COLEC12: variants seen among roughly 807,000 people sequenced by gnomAD.
COLEC12 encodes the protein collectin subfamily member 12, also known as collectin-12.
COLEC12 carries 33 observed loss-of-function variants against 71.1 expected under a neutral mutation model. That is an observed-to-expected ratio of 0.46 (90% confidence interval 0.35 to 0.62). The LOEUF (loss-of-function observed/expected upper bound fraction) is 0.62. COLEC12 is among the 20% of genes least tolerant of loss of function. COLEC12 has a pLI of 0.00. For missense variants in COLEC12, 765 were observed against 916.1 expected (o/e 0.84, Z 2.13); for synonymous variants, 350 against 353.0 (o/e 0.99, Z 0.10).
intron 3 of COLEC12, among the ~76,000 whole-genome samples, chr18:350,128 A>G (rs1177890518): frequency 1.3e-5 from 2 of 152,174 alleles, no homozygotes; most frequent in African/African-American, 4.8e-5. Context: ...TCTCGCCCAA[A>G]TCTCATCTTG....
At chr18:463,996 G>A (rs980548977) in intron 2 of COLEC12, among the ~76,000 whole-genome samples, 1 of 152,118 alleles carries the variant, frequency 6.6e-6, no homozygotes, top group Non-Finnish European at 1.5e-5. Flanking sequence ...CAGGAAGGAA[G>A]GTTTTTGACT....
intron 2 of COLEC12, among the ~76,000 whole-genome samples, chr18:377,106 G>A (rs1371339095): frequency 2.0e-5 from 3 of 152,202 alleles, no homozygotes; most frequent in Non-Finnish European, 4.4e-5. Context: ...AAGAGGGGAC[G>A]GAGGACCTGG....
chr18:489,271 A>G (rs1236611714), intron 1 of COLEC12, among the ~76,000 whole-genome samples: 1 of 152,248 alleles, frequency 6.6e-6, no homozygotes, highest in Non-Finnish European at 1.5e-5. Flanking sequence ...TATTTCCAAT[A>G]TAGAATGCTC....
At chr18:450,316 G>T (rs78958610) in intron 2 of COLEC12, among the ~76,000 whole-genome samples, 17,614 of 152,164 alleles carry the variant, frequency 0.12, 1,393 homozygotes, top group East Asian at 0.37. Context: ...CAATGTTGAG[G>T]GGGGGCCTGC....
intron 2 of COLEC12, among the ~76,000 whole-genome samples, chr18:442,000 TCTACACACACACACACACACAC>T (rs1478170894): frequency 2.6e-5 from 3 of 116,700 alleles, no homozygotes; most frequent in Non-Finnish European, 3.6e-5. Flanking sequence ...ACTCTCTCTC[TCTACACACACACACACACACAC>T]ACACACACAC....
In COLEC12 at chr18:348,178, A is replaced by G. The variant is rs1914428855; in HGVS notation, c.182-15T>C. On this transcript the variant is annotated splice_polypyrimidine_tract_variant and intron_variant, in intron 3 of 9. Transcript: ENST00000400256. ...TTTCTCTACAACTAAGATTTGGAAA[A>G]TGATGCATTAGTATACATATCTGCT... 6 of 1,502,510 alleles carry G rather than the reference A, an allele frequency of 4.0e-6. No homozygotes were observed. Among genetic ancestry groups the G allele is most frequent in the Admixed American group, 3.3e-5 (2 of 59,762 alleles). 93.1% of individuals were successfully genotyped at this position (1,502,510 alleles called of 1,614,324 possible). A position where few individuals can be genotyped will look rare whatever the true frequency, so the allele number is the denominator to read the frequency against.
At chr18:469,149 T>C (rs1166319063) in intron 2 of COLEC12, among the ~76,000 whole-genome samples, 1 of 152,240 alleles carries the variant, frequency 6.6e-6, no homozygotes, top group South Asian at 2.1e-4. Context: ...TCTCTTCACT[T>C]GCACAGACGG....
chr18:479,821 G>T (rs558531029), intron 2 of COLEC12, among the ~76,000 whole-genome samples: 20 of 152,336 alleles, frequency 1.3e-4, no homozygotes, highest in African/African-American at 4.8e-4. Context: ...TACCACGAAC[G>T]TGCTGGCTTA....
At chr18:489,493 G>C (rs1477115293) in intron 1 of COLEC12, among the ~76,000 whole-genome samples, 1 of 152,118 alleles carries the variant, frequency 6.6e-6, no homozygotes, top group Non-Finnish European at 1.5e-5. Context: ...CTCTCAGCTG[G>C]TCAGAATGCT....
intron 5 of COLEC12, among the ~76,000 whole-genome samples, chr18:339,747 T>C (rs189879076): frequency 3.9e-5 from 6 of 152,264 alleles, no homozygotes; most frequent in Admixed American, 3.9e-4. Context: ...ACATATTCTA[T>C]GTGTCTTATA....
chr18:397,401 C>T (rs201266566), intron 2 of COLEC12, among the ~76,000 whole-genome samples: 13 of 152,218 alleles, frequency 8.5e-5, no homozygotes, highest in African/African-American at 2.6e-4. Flanking sequence ...TAGTCCAAGG[C>T]GCAAAATATA....
chr18:350,287 C>CT (rs1335055288), intron 3 of COLEC12, among the ~76,000 whole-genome samples: 4 of 152,162 alleles, frequency 2.6e-5, no homozygotes, highest in African/African-American at 9.7e-5. Context: ...ATCTTTCTCA[C>CT]TTTCTCTTGC....
chr18:483,883 T>A (rs1235485521), intron 1 of COLEC12, among the ~76,000 whole-genome samples: 2 of 152,204 alleles, frequency 1.3e-5, no homozygotes, highest in Non-Finnish European at 2.9e-5. Context: ...TGATGAGACA[T>A]GAATATCAGC....
rs181965960 is a variant in COLEC12 at position 495,825 on chromosome 18, C to G, written c.7+4683G>C. Among the ~76,000 whole-genome samples, 3 of 152,322 alleles carry G rather than the reference C, an allele frequency of 2.0e-5. No homozygotes were observed. The East Asian group carries it at 5.8e-4, about 29-fold the overall frequency. ...ACATGTGATTCTGGAATCAGACAGTCTGAGCCTGAATACTGATCCCCCCCG... is the reference window on the plus strand; with the variant it reads ...ACATGTGATTCTGGAATCAGACAGTGTGAGCCTGAATACTGATCCCCCCCG... On this transcript the variant is annotated intron_variant, in intron 1 of 9. Coordinates refer to ENST00000400256, the MANE Select transcript of COLEC12 (RefSeq NM_130386.3).
chr18:360,140 T>C (rs1279655025), intron 2 of COLEC12, among the ~76,000 whole-genome samples: 1 of 152,064 alleles, frequency 6.6e-6, no homozygotes, highest in Non-Finnish European at 1.5e-5. Flanking sequence ...CTGTTTCTAA[T>C]TCAGGAGGTC....
intron 2 of COLEC12, among the ~76,000 whole-genome samples, chr18:434,067 G>T (rs576463890): frequency 6.6e-6 from 1 of 151,746 alleles, no homozygotes; most frequent in Non-Finnish European, 1.5e-5. Flanking sequence ...CAAATACCCT[G>T]CAAAGTCTAC....
intron 2 of COLEC12, among the ~76,000 whole-genome samples, chr18:455,654 C>G (rs979874658): frequency 4.0e-5 from 6 of 151,782 alleles, no homozygotes; most frequent in East Asian, 1.9e-4. Context: ...TTTGCCCCCC[C>G]CTCCCCTGAC....
chr18:365,844 G>A (rs1367962814), intron 2 of COLEC12, among the ~76,000 whole-genome samples: 2 of 152,130 alleles, frequency 1.3e-5, no homozygotes, highest in Admixed American at 6.5e-5. Context: ...GCCGGGAGGG[G>A]CGCTGGCTGT....
In COLEC12 at chr18:323,297, G is replaced by A. The variant is rs141510435; in HGVS notation, c.2064-1490C>T. Among the ~76,000 whole-genome samples, 136 of 152,266 alleles carry A rather than the reference G, an allele frequency of 8.9e-4. 1 individual carries two copies. The Middle Eastern group carries it at 0.01, about 11-fold the overall frequency. On this transcript the variant is annotated intron_variant, in intron 8 of 9. Coordinates refer to ENST00000400256, the MANE Select transcript of COLEC12 (RefSeq NM_130386.3). ...CCTAGTGATGAAAGAGAATTCAGAG[G>A]AAACCATCGATTGGTGAGAGTAAAA...
Sources: gnomAD v4.1 joint callset for allele counts (sites outside exome capture counted in the v4.1 genomes callset) on GRCh38, gnomAD v4.1.1 for gene constraint, MANE v1.5 for transcripts, NCBI Gene and HGNC (gene_info 2026-07-23, HGNC 2026-07-21) for gene names.